Variants in PTBP3 observed in about 807,000 individuals in gnomAD.
PTBP3 encodes the protein polypyrimidine tract binding protein 3, also known as polypyrimidine tract-binding protein 3.
A neutral mutation model predicts 58.7 loss-of-function variants in PTBP3; 20 were observed. The ratio of observed to expected loss-of-function variants is 0.34; its 90% confidence interval spans 0.24 to 0.50. The LOEUF (loss-of-function observed/expected upper bound fraction) is 0.50. Among genes scored for constraint, PTBP3 ranks in the 20% least tolerant of loss-of-function variants. The pLI, the probability that PTBP3 is intolerant of heterozygous loss-of-function variation, is 0.98. For missense variants in PTBP3, 509 were observed against 637.2 expected (o/e 0.80, Z 2.17); for synonymous variants, 185 against 219.8 (o/e 0.84, Z 1.40).
chr9:112,244,611 G>A (rs899653694), intron 7 of PTBP3, among the ~76,000 whole-genome samples: 14 of 152,034 alleles, frequency 9.2e-5, no homozygotes, highest in Non-Finnish European at 8.8e-5. Context: ...CCTGGAGGTC[G>A]AGGCTGCAGT....
the PTBP3 span, among the ~76,000 whole-genome samples, chr9:112,368,199 G>T: frequency 1.4e-4 from 21 of 152,042 alleles, 1 homozygote; most frequent in South Asian, 4.0e-3. Flanking sequence ...GAGACAGAGC[G>T]TCATTCTGTT....
At position 112,285,442 on chromosome 9, in the gene PTBP3, T is replaced by C. The variant is rs934800917; in HGVS notation, c.35-9429A>G. ...ACTAATACAATTGGTGACTACTTTA[T>C]ATAAACTTGAAAATAAAGTGTATTA... On this transcript the variant is annotated intron_variant, in intron 2 of 13. Transcript: ENST00000374257. 4.6e-5 allele frequency among the ~76,000 whole-genome samples: 7 copies of C among 152,380 alleles called. No homozygotes were observed. The South Asian group carries it at 8.3e-4, about 18-fold the overall frequency.
chr9:112,365,395 G>A, the PTBP3 span, among the ~76,000 whole-genome samples: 1 of 151,960 alleles, frequency 6.6e-6, no homozygotes, highest in African/African-American at 2.4e-5. Flanking sequence ...AGTCTCATGA[G>A]ATCTGATGGT....
At chr9:112,267,689 A>G (rs1029706638) in intron 4 of PTBP3, among the ~76,000 whole-genome samples, 18 of 152,088 alleles carry the variant, frequency 1.2e-4, no homozygotes, top group African/African-American at 4.3e-4. Context: ...TTAAGGTGTT[A>G]AATTCCATTA....
the PTBP3 span, among the ~76,000 whole-genome samples, chr9:112,363,625 A>C: frequency 0.24 from 36,850 of 151,496 alleles, 4,918 homozygotes; most frequent in East Asian, 0.36. Flanking sequence ...TAAGTGTATC[A>C]GTTTATTTAT....
At chr9:112,288,205 G>A (rs1828227205) in intron 2 of PTBP3, among the ~76,000 whole-genome samples, 1 of 152,130 alleles carries the variant, frequency 6.6e-6, no homozygotes, top group Non-Finnish European at 1.5e-5. Context: ...TGTGCTTCAA[G>A]TATTCAACAA....
intron 2 of PTBP3, among the ~76,000 whole-genome samples, chr9:112,281,597 C>T (rs920373720): frequency 3.3e-5 from 5 of 152,188 alleles, no homozygotes; most frequent in Admixed American, 2.0e-4. Flanking sequence ...TTCCCACCTC[C>T]TTTATATTCT....
intron 1 of PTBP3, among the ~76,000 whole-genome samples, chr9:112,319,659 C>T (rs1217663586): frequency 2.0e-5 from 3 of 152,158 alleles, no homozygotes; most frequent in Non-Finnish European, 2.9e-5. Context: ...TATGATCCAG[C>T]AATCTTTCTA....
At chr9:112,295,867 G>A (rs1419152492) in intron 2 of PTBP3, among the ~76,000 whole-genome samples, 3 of 152,124 alleles carry the variant, frequency 2.0e-5, no homozygotes, top group Non-Finnish European at 2.9e-5. Flanking sequence ...GAATCCCTAA[G>A]ATATTGTAGG....
Position 112,252,714 on chromosome 9 carries a change from C to T in PTBP3, c.591G>A (p.Gln197=), listed in dbSNP as rs944012191. 6.2e-7 allele frequency: 1 copy of T among 1,611,872 alleles called. No individual in the cohort carries two copies. Among genetic ancestry groups the T allele is most frequent in the Non-Finnish European group, 8.5e-7 (1 of 1,178,538 alleles). The change falls in exon 6 of 14, where the codon CAG becomes CAA. Residue 197 remains glutamine, a synonymous_variant. Coordinates refer to ENST00000374257, the MANE Select transcript of PTBP3 (RefSeq NM_001163788.4). ...AATGTGCATTTACTGGGTCAGCATA[C>T]TGAAGCAAGGCTTGAAACTGATTAT... is the stretch of plus-strand genomic sequence containing the variant. The part of the protein sequence containing the change: ...TKNNQFQALL[Q]YADPVNAHYA...
At chr9:112,379,335 TAC>T in the PTBP3 span, among the ~76,000 whole-genome samples, 15 of 152,356 alleles carry the variant, frequency 9.8e-5, no homozygotes, top group East Asian at 1.9e-4. Context: ...TCAAATATAC[TAC>T]AGTCTTTAGC....
chr9:112,288,518 A>G (rs1157425972), intron 2 of PTBP3, among the ~76,000 whole-genome samples: 1 of 151,724 alleles, frequency 6.6e-6, no homozygotes, highest in East Asian at 1.9e-4. Flanking sequence ...GGTTCCCCCA[A>G]CCCCCACAGT....
intron 1 of PTBP3, among the ~76,000 whole-genome samples, chr9:112,319,586 T>C (rs536944214): frequency 6.6e-6 from 1 of 152,230 alleles, no homozygotes; most frequent in East Asian, 1.9e-4. Flanking sequence ...GGAATGTAAA[T>C]TAGTACAGTC....
At chr9:112,331,784 G>A (rs1000358458) in intron 1 of PTBP3, among the ~76,000 whole-genome samples, 1 of 152,196 alleles carries the variant, frequency 6.6e-6, no homozygotes, top group South Asian at 2.1e-4. Context: ...ATAGCGTGAA[G>A]GGAGAGTAAA....
At chr9:112,316,482 A>G (rs1259056014) in intron 1 of PTBP3, among the ~76,000 whole-genome samples, 2 of 152,198 alleles carry the variant, frequency 1.3e-5, no homozygotes, top group Non-Finnish European at 2.9e-5. Flanking sequence ...GTGAGCTCGA[A>G]CATGGATTCT....
the PTBP3 span, among the ~76,000 whole-genome samples, chr9:112,357,290 C>T: frequency 6.6e-6 from 1 of 152,184 alleles, no homozygotes; most frequent in Non-Finnish European, 1.5e-5. Context: ...TTAATCTCTA[C>T]TGCATATTCC....
chr9:112,229,126 A>G (rs1186688278), intron 10 of PTBP3, among the ~76,000 whole-genome samples: 1 of 151,874 alleles, frequency 6.6e-6, no homozygotes, highest in East Asian at 2.0e-4. Flanking sequence ...TTAAAAAACT[A>G]CAGTTTTTGA....
downstream of PTBP3, chr9:112,218,268 G>C (rs763736559): frequency 3.3e-5 from 5 of 152,194 alleles, no homozygotes; most frequent in Non-Finnish European, 7.3e-5. Context: ...ACAGTTAATA[G>C]ATTTTGTGTT....
Position 112,297,730 on chromosome 9 carries a change from GA to G in PTBP3, c.34+101del, listed in dbSNP as rs1167546487. On this transcript the variant is annotated intron_variant, in intron 2 of 13. Coordinates refer to ENST00000374257, the MANE Select transcript of PTBP3 (RefSeq NM_001163788.4). ...CGAAACAAATTTTAGCTTTTGTTAT[GA>G]ACAGTGGCACTTCAACATGATATAA... 1.9e-5 allele frequency: 18 copies of G among 938,686 alleles called. No individual in the cohort carries two copies. The African/African-American group carries it at 2.4e-4, about 12-fold the overall frequency. 58.1% of individuals were successfully genotyped at this position (938,686 alleles called of 1,614,324 possible).
Sources: gnomAD v4.1 joint callset for allele counts (sites outside exome capture counted in the v4.1 genomes callset) on GRCh38, gnomAD v4.1.1 for gene constraint, MANE v1.5 for transcripts, NCBI Gene and HGNC (gene_info 2026-07-23, HGNC 2026-07-21) for gene names.